Variants in KHDRBS2 observed in about 807,000 individuals in gnomAD.
KHDRBS2 encodes KH RNA binding domain containing, signal transduction associated 2, also known as KH domain-containing, RNA-binding, signal transduction-associated protein 2.
Under a neutral mutation model 44.3 loss-of-function variants are expected in KHDRBS2, and 26 were observed. That is an observed-to-expected ratio of 0.59 (90% CI 0.43 to 0.81). KHDRBS2 has a LOEUF of 0.81. Ranked by LOEUF, KHDRBS2 falls within the 40% of genes least tolerant of loss-of-function variation. The probability of loss-of-function intolerance (pLI) is 0.00; values close to 1 mark genes in which losing one functional copy is unlikely to be tolerated. For missense variants in KHDRBS2, 476 were observed against 433.1 expected (o/e 1.10, Z -0.88); for synonymous variants, 194 against 151.1 (o/e 1.28, Z -2.08).
chr6:62,126,498 C>G (rs1331376421), intron 2 of KHDRBS2, among the ~76,000 whole-genome samples: 1 of 152,134 alleles, frequency 6.6e-6, no homozygotes, highest in Non-Finnish European at 1.5e-5. Context: ...AGGCAGTAGC[C>G]AGACAGTGCT....
chr6:61,587,290 A>G, the KHDRBS2 span, among the ~76,000 whole-genome samples: 1 of 152,060 alleles, frequency 6.6e-6, no homozygotes. Flanking sequence ...AAATCTCACC[A>G]TCATTTTCCT....
At chr6:61,920,840 G>T (rs1015024702) in intron 4 of KHDRBS2, among the ~76,000 whole-genome samples, 2 of 151,886 alleles carry the variant, frequency 1.3e-5, no homozygotes, top group African/African-American at 4.8e-5. Context: ...CTCAAGTGAA[G>T]ATTTTGTAGA....
the KHDRBS2 span, among the ~76,000 whole-genome samples, chr6:61,657,603 TG>T: frequency 6.6e-6 from 1 of 151,794 alleles, no homozygotes; most frequent in African/African-American, 2.4e-5. Flanking sequence ...CTACAAAAAA[TG>T]TTGGTTAGCA....
intron 3 of KHDRBS2, among the ~76,000 whole-genome samples, chr6:62,015,284 C>G (rs781071799): frequency 6.6e-6 from 1 of 152,212 alleles, no homozygotes; most frequent in South Asian, 2.1e-4. Flanking sequence ...GATAAAGACA[C>G]TGAAGTCTAA....
At chr6:61,825,628 G>T (rs554738) in intron 6 of KHDRBS2, among the ~76,000 whole-genome samples, 23,744 of 152,080 alleles carry the variant, frequency 0.16, 2,460 homozygotes, top group South Asian at 0.27. Flanking sequence ...CATAGTTACC[G>T]TTTAAAATTT....
chr6:62,261,208 T>G (rs1458397405), intron 1 of KHDRBS2, among the ~76,000 whole-genome samples: 2 of 151,938 alleles, frequency 1.3e-5, no homozygotes, highest in Non-Finnish European at 2.9e-5. Context: ...ACCAAAAAGA[T>G]AAGTACTCAA....
intron 1 of KHDRBS2, among the ~76,000 whole-genome samples, chr6:62,229,533 C>G (rs530624247): frequency 4.6e-5 from 7 of 152,256 alleles, no homozygotes; most frequent in African/African-American, 1.7e-4. Flanking sequence ...TGCTTGTTGC[C>G]CCTCCCCACT....
intron 2 of KHDRBS2, among the ~76,000 whole-genome samples, chr6:62,099,931 C>A (rs1801481006): frequency 6.6e-6 from 1 of 152,070 alleles, no homozygotes; most frequent in Non-Finnish European, 1.5e-5. Context: ...ATTTTCAAGT[C>A]CTATTAATTA....
chr6:62,096,552 G>T (rs1424357460), intron 2 of KHDRBS2, among the ~76,000 whole-genome samples: 2 of 151,726 alleles, frequency 1.3e-5, no homozygotes, highest in African/African-American at 4.8e-5. Context: ...GTATTTCTAA[G>T]GTGTCAGTTT....
intron 3 of KHDRBS2, among the ~76,000 whole-genome samples, chr6:62,001,934 A>G (rs1224505551): frequency 6.6e-6 from 1 of 152,134 alleles, no homozygotes; most frequent in Admixed American, 6.6e-5. Context: ...TTGAGAAATT[A>G]TTTTCAAGAA....
intron 6 of KHDRBS2, among the ~76,000 whole-genome samples, chr6:61,742,874 A>G (rs1485524367): frequency 6.6e-6 from 1 of 152,072 alleles, no homozygotes; most frequent in Non-Finnish European, 1.5e-5. Context: ...TTCCTTTCCT[A>G]TGTAGATTGT....
chr6:61,893,978 C>G (rs140062752), intron 6 of KHDRBS2, among the ~76,000 whole-genome samples: 4 of 151,746 alleles, frequency 2.6e-5, no homozygotes, highest in Non-Finnish European at 4.4e-5. Context: ...ATTTCACAAT[C>G]TAGTCGGAGA....
At chr6:62,189,539 C>A (rs1268135284) in intron 1 of KHDRBS2, among the ~76,000 whole-genome samples, 1 of 151,932 alleles carries the variant, frequency 6.6e-6, no homozygotes, top group African/African-American at 2.4e-5. Flanking sequence ...TTATTTTCTT[C>A]TAAGTGCAAT....
the KHDRBS2 span, among the ~76,000 whole-genome samples, chr6:61,590,336 G>A: frequency 6.6e-6 from 1 of 152,136 alleles, no homozygotes; most frequent in African/African-American, 2.4e-5. Flanking sequence ...GATGTCTTGG[G>A]TATTGTCTCT....
At chr6:61,686,896 A>C (rs1179535206) in intron 8 of KHDRBS2, among the ~76,000 whole-genome samples, 1 of 151,524 alleles carries the variant, frequency 6.6e-6, no homozygotes, top group Non-Finnish European at 1.5e-5. Context: ...ACAATTAATT[A>C]GCCAAAAAAA....
chr6:62,203,540 G>A (rs1827398155), intron 1 of KHDRBS2, among the ~76,000 whole-genome samples: 1 of 152,084 alleles, frequency 6.6e-6, no homozygotes. Context: ...GAATGAGTGT[G>A]CATCTTGTGG....
intron 6 of KHDRBS2, among the ~76,000 whole-genome samples, chr6:61,812,434 T>A (rs1371975719): frequency 1.3e-5 from 2 of 152,086 alleles, no homozygotes; most frequent in African/African-American, 4.8e-5. Context: ...GAGCTTTAAG[T>A]GAATCATCTG....
chr6:61,544,018 CA>C, the KHDRBS2 span, among the ~76,000 whole-genome samples: 2 of 151,618 alleles, frequency 1.3e-5, no homozygotes, highest in Admixed American at 1.3e-4. Flanking sequence ...TAGTTGGAAA[CA>C]ATGAATTAGA....
In KHDRBS2 at chr6:61,945,096, AAAAAAAAAAAAAAAAAGTATATATATAT is replaced by A. The variant is rs1301525763; in HGVS notation, c.483+32942_483+32969del. ...ACAGAGTGAGACTCTGTCTTAAAAA[AAAAAAAAAAAAAAAAAGTATATATATAT>A]ATATATATATATATATATATATATA... On this transcript the variant is annotated intron_variant, in intron 4 of 8. Transcript: ENST00000281156. Among the ~76,000 whole-genome samples, 32 of 51,854 alleles carry A rather than the reference AAAAAAAAAAAAAAAAAGTATATATATAT, an allele frequency of 6.2e-4. 2 individuals are homozygous for A. Among genetic ancestry groups the A allele is most frequent in the African/African-American group, 2.3e-3 (31 of 13,440 alleles). 34.0% of individuals were successfully genotyped at this position (51,854 alleles called of 152,430 possible).
Sources: gnomAD v4.1 joint callset for allele counts (sites outside exome capture counted in the v4.1 genomes callset) on GRCh38, gnomAD v4.1.1 for gene constraint, MANE v1.5 for transcripts, NCBI Gene and HGNC (gene_info 2026-07-23, HGNC 2026-07-21) for gene names.